ACYP2: variants seen among roughly 807,000 people sequenced by gnomAD.
ACYP2 encodes the protein acylphosphatase-2.
Under a neutral mutation model 11.2 loss-of-function variants are expected in ACYP2, and 12 were observed. The ratio of observed to expected loss-of-function variants is 1.08; its 90% CI spans 0.69 to 1.74. ACYP2 has a LOEUF of 1.74. Among genes scored for constraint, ACYP2 ranks in the 40% most tolerant of loss-of-function variants. The pLI, the probability that ACYP2 is intolerant of heterozygous loss-of-function variation, is 0.00. For missense variants in ACYP2, 134 were observed against 101.9 expected (o/e 1.31, Z -1.35); for synonymous variants, 43 against 32.2 (o/e 1.33, Z -1.13).
intron 4 of ACYP2, among the ~76,000 whole-genome samples, chr2:54,075,553 T>G (rs913641437): frequency 6.6e-6 from 1 of 150,960 alleles, no homozygotes; most frequent in African/African-American, 2.4e-5. Context: ...TGGTTCATGC[T>G]TGTAATCCCA....
intron 6 of ACYP2, among the ~76,000 whole-genome samples, chr2:54,203,632 T>C (rs890442990): frequency 5.3e-5 from 8 of 152,192 alleles, no homozygotes; most frequent in African/African-American, 1.4e-4. Flanking sequence ...AAAGCTTCTA[T>C]TACTAAATTG....
chr2:54,289,403 C>T (rs548829043), intron 6 of ACYP2, among the ~76,000 whole-genome samples: 5 of 152,150 alleles, frequency 3.3e-5, no homozygotes, highest in African/African-American at 1.2e-4. Context: ...GACAATTCTA[C>T]ACCCAATTTT....
chr2:53,976,383 T>A (rs1262791750), intron 2 of ACYP2, among the ~76,000 whole-genome samples: 1 of 152,106 alleles, frequency 6.6e-6, no homozygotes. Flanking sequence ...AATTTTTAAT[T>A]TCTTGTAGAG....
At chr2:53,990,008 C>G (rs1672211958) in intron 2 of ACYP2, among the ~76,000 whole-genome samples, 1 of 141,158 alleles carries the variant, frequency 7.1e-6, no homozygotes, top group Non-Finnish European at 1.5e-5. Context: ...GAGATGGAGT[C>G]TTGCTCTGTT....
intron 2 of ACYP2, among the ~76,000 whole-genome samples, chr2:54,033,483 G>A (rs1171722677): frequency 6.6e-6 from 1 of 152,066 alleles, no homozygotes; most frequent in Non-Finnish European, 1.5e-5. Context: ...AGTGAATTAA[G>A]ATTACAGGTG....
chr2:54,236,449 C>G (rs962668577), intron 6 of ACYP2, among the ~76,000 whole-genome samples: 2 of 151,986 alleles, frequency 1.3e-5, no homozygotes, highest in African/African-American at 4.8e-5. Context: ...TTTTCTTTGG[C>G]CTATGGGTTA....
chr2:54,106,592 A>C (rs17039547), intron 4 of ACYP2, among the ~76,000 whole-genome samples: 37,602 of 150,882 alleles, frequency 0.25, 5,206 homozygotes, highest in South Asian at 0.48. Context: ...TTACCAGACA[A>C]ATTTTTGAGA....
rs147621009 is a variant in ACYP2, at chr2:54,299,640, G to T, written c.405-5048G>T. ...AAAAAAAAGAAAACCTAAGACCACAGCTCAGCAGTAGGGCAAAAGAGAAAT... is the reference window on the plus strand; with the variant it reads ...AAAAAAAAGAAAACCTAAGACCACATCTCAGCAGTAGGGCAAAAGAGAAAT... On this transcript the variant is annotated intron_variant, in intron 6 of 6. Transcript: ENST00000607452. Among the ~76,000 whole-genome samples the T allele has an allele frequency of 2.0e-5, 3 of 151,544 alleles. No individual in the cohort carries two copies. The East Asian group carries it at 5.8e-4, about 29-fold the overall frequency.
chr2:54,105,776 G>A (rs1014324462), intron 4 of ACYP2, among the ~76,000 whole-genome samples: 2 of 151,996 alleles, frequency 1.3e-5, no homozygotes, highest in African/African-American at 4.8e-5. Context: ...TTACAGGCAT[G>A]AGCCATTGCG....
At chr2:54,228,512 C>T (rs1686100250) in intron 6 of ACYP2, among the ~76,000 whole-genome samples, 1 of 152,172 alleles carries the variant, frequency 6.6e-6, no homozygotes, top group Non-Finnish European at 1.5e-5. Context: ...GGGAACTTGA[C>T]TTCAGAAACC....
intron 6 of ACYP2, among the ~76,000 whole-genome samples, chr2:54,180,267 T>G (rs1056196626): frequency 3.3e-5 from 5 of 152,176 alleles, no homozygotes; most frequent in Non-Finnish European, 5.9e-5. Context: ...TTTTTTTTAA[T>G]GGAGGCTTCA....
chr2:54,026,233 A>C (rs1674278801), intron 2 of ACYP2, among the ~76,000 whole-genome samples: 1 of 152,216 alleles, frequency 6.6e-6, no homozygotes, highest in South Asian at 2.1e-4. Context: ...GCAAGAAAAA[A>C]ACAATCCCAT....
intron 2 of ACYP2, among the ~76,000 whole-genome samples, chr2:54,041,506 G>T (rs1287583311): frequency 6.6e-6 from 1 of 152,214 alleles, no homozygotes; most frequent in East Asian, 1.9e-4. Flanking sequence ...CAGTGTGGTT[G>T]TTAGCAGCAT....
At chr2:53,997,077 T>A (rs1429881743) in intron 2 of ACYP2, among the ~76,000 whole-genome samples, 4 of 152,194 alleles carry the variant, frequency 2.6e-5, no homozygotes, top group Non-Finnish European at 5.9e-5. Flanking sequence ...TCCCCAATAT[T>A]CGTTTGTATT....
intron 6 of ACYP2, among the ~76,000 whole-genome samples, chr2:54,235,736 CTG>C (rs1228352093): frequency 6.6e-6 from 1 of 152,120 alleles, no homozygotes; most frequent in African/African-American, 2.4e-5. Context: ...TCTTCTTGTG[CTG>C]TTAGTTTTTA....
At chr2:54,293,906 A>G (rs7607826) in intron 6 of ACYP2, among the ~76,000 whole-genome samples, 1,600 of 152,342 alleles carry the variant, frequency 0.011, 34 homozygotes, top group African/African-American at 0.036. Flanking sequence ...AACTGAATAA[A>G]GAAACTTGTT....
intron 6 of ACYP2, among the ~76,000 whole-genome samples, chr2:54,182,716 C>T (rs1243789509): frequency 6.6e-6 from 1 of 152,178 alleles, no homozygotes; most frequent in Non-Finnish European, 1.5e-5. Context: ...CAGAGTCAGT[C>T]ACGCAAAGTC....
At chr2:54,262,416 C>T (rs1431333452) in intron 6 of ACYP2, among the ~76,000 whole-genome samples, 1 of 152,142 alleles carries the variant, frequency 6.6e-6, no homozygotes, top group African/African-American at 2.4e-5. Flanking sequence ...TAAAATGTTT[C>T]TAATATCTAA....
chr2:54,037,732 A>T (rs561024016), intron 2 of ACYP2, among the ~76,000 whole-genome samples: 1 of 152,326 alleles, frequency 6.6e-6, no homozygotes, highest in Admixed American at 6.5e-5. Context: ...AATTAACTTT[A>T]AAAAAGTGAA....
Sources: gnomAD v4.1 joint callset for allele counts (sites outside exome capture counted in the v4.1 genomes callset) on GRCh38, gnomAD v4.1.1 for gene constraint, MANE v1.5 for transcripts, NCBI Gene and HGNC (gene_info 2026-07-23, HGNC 2026-07-21) for gene names.